Variants in ELP4 observed in about 807,000 individuals in gnomAD.
The protein encoded by ELP4 is elongator complex protein 4.
In ELP4, 51 loss-of-function variants were observed where a neutral mutation model predicts 48.9. The observed-to-expected ratio is 1.04, with a 90% CI of 0.83 to 1.32. The LOEUF (loss-of-function observed/expected upper bound fraction) is 1.32, where lower values mean the gene tolerates loss of function less well. Ranked by LOEUF, ELP4 falls within the 40% of genes most tolerant of loss-of-function variation. The pLI is 0.00. For synonymous variants in ELP4, 210 were observed against 189.2 expected, an observed-to-expected ratio of 1.11 and a Z score of -0.90; for missense variants, 519 against 514.6, an observed-to-expected ratio of 1.01 and a Z score of -0.08.
chr11:31,591,658 G>A (rs879851120), intron 3 of ELP4, among the ~76,000 whole-genome samples: 6 of 152,066 alleles, frequency 3.9e-5, no homozygotes, highest in African/African-American at 4.8e-5. Flanking sequence ...ATTGTTGGTC[G>A]GAATGTAAAA....
At chr11:31,550,283 G>C (rs775396130) in intron 3 of ELP4, among the ~76,000 whole-genome samples, 32 of 151,988 alleles carry the variant, frequency 2.1e-4, no homozygotes, top group Non-Finnish European at 3.8e-4. Context: ...GTCATTAATG[G>C]TGAGAAAGAG....
At chr11:31,526,431 G>T (rs773963408) in intron 2 of ELP4, among the ~76,000 whole-genome samples, 1 of 151,888 alleles carries the variant, frequency 6.6e-6, no homozygotes, top group Non-Finnish European at 1.5e-5. Context: ...TATAAATCTA[G>T]TCACCTCTTT....
At chr11:31,735,156 T>C (rs1202385035) in intron 9 of ELP4, among the ~76,000 whole-genome samples, 3 of 125,582 alleles carry the variant, frequency 2.4e-5, no homozygotes, top group Non-Finnish European at 4.9e-5. Context: ...GGATATCCAT[T>C]GGCAAAAAAA....
chr11:31,704,501 G>A (rs891330896), intron 9 of ELP4, among the ~76,000 whole-genome samples: 1 of 152,038 alleles, frequency 6.6e-6, no homozygotes, highest in Admixed American at 6.6e-5. Context: ...GTGGGAGGAG[G>A]GGGGAGGGAA....
At chr11:31,697,895 GA>G (rs1474634544) in intron 9 of ELP4, among the ~76,000 whole-genome samples, 1 of 151,584 alleles carries the variant, frequency 6.6e-6, no homozygotes, top group African/African-American at 2.4e-5. Flanking sequence ...AGTTGAGAAA[GA>G]AAAAGTTAAA....
rs926831125 is a variant in ELP4, at chr11:31,764,803, A to T, written c.1144-18590A>T. ...TGAATCAAGAGAAAAATGAAATACT[A>T]AAACTCCCCACAGGTGTCGGTTTTA... On this transcript the variant is annotated intron_variant, in intron 9 of 9. Transcript: ENST00000640961. 1.4e-4 allele frequency among the ~76,000 whole-genome samples: 21 copies of T among 152,346 alleles called. No homozygotes were observed. In the East Asian group the frequency reaches 3.9e-3, roughly 28 times the overall value.
At position 31,641,971 on chromosome 11, in the gene ELP4, G is replaced by A. The variant is rs559572749; in HGVS notation, c.928-5770G>A. 6.6e-5 allele frequency among the ~76,000 whole-genome samples: 10 copies of A among 151,886 alleles called. No homozygotes were observed. In the South Asian group the frequency reaches 1.5e-3, roughly 22 times the overall value. ...GCATTTTAGGGTTTCAAGTATCAAA[G>A]TACTAAAAAAAGATTTCTGATTTAG... On this transcript the variant is annotated intron_variant, in intron 7 of 9. Transcript: ENST00000640961.
intron 2 of ELP4, among the ~76,000 whole-genome samples, chr11:31,537,202 G>A (rs998600903): frequency 2.0e-5 from 3 of 152,168 alleles, no homozygotes; most frequent in African/African-American, 7.2e-5. Context: ...AGTGTACTAT[G>A]AGGCAAGATT....
intron 2 of ELP4, among the ~76,000 whole-genome samples, chr11:31,525,114 G>A (rs573393012): frequency 1.1e-4 from 16 of 152,252 alleles, no homozygotes; most frequent in Non-Finnish European, 2.1e-4. Flanking sequence ...CTTCTTTTGT[G>A]CCACAAGTAC....
At chr11:31,704,965 C>T (rs1032859402) in intron 9 of ELP4, among the ~76,000 whole-genome samples, 5 of 150,566 alleles carry the variant, frequency 3.3e-5, no homozygotes, top group African/African-American at 9.8e-5. Flanking sequence ...GAGCTGAGAT[C>T]GCGCCACTGC....
Position 31,572,047 on chromosome 11 carries a change from G to C in ELP4, c.382-22723G>C, listed in dbSNP as rs1374332838. 2.6e-5 allele frequency among the ~76,000 whole-genome samples: 4 copies of C among 152,276 alleles called. No homozygotes were observed. The East Asian group carries it at 5.8e-4, about 22-fold the overall frequency. ...GAGTCAGCCTGTCGTTTGAAGCTTTGGAGCTAGGCATTGACTTCTCTCTAG... is the reference window on the plus strand; with the variant it reads ...GAGTCAGCCTGTCGTTTGAAGCTTTCGAGCTAGGCATTGACTTCTCTCTAG... On this transcript the variant is annotated intron_variant, in intron 3 of 9. Coordinates refer to ENST00000640961, the MANE Select transcript of ELP4 (RefSeq NM_019040.5).
intron 9 of ELP4, chr11:31,780,788 T>G (rs1011924039): frequency 6.6e-6 from 1 of 152,242 alleles, no homozygotes; most frequent in Non-Finnish European, 1.5e-5. Context: ...AATTGTATTA[T>G]GCTTGTTCTA....
At chr11:31,548,778 C>G (rs1384902900) in intron 3 of ELP4, among the ~76,000 whole-genome samples, 1 of 152,088 alleles carries the variant, frequency 6.6e-6, no homozygotes, top group Non-Finnish European at 1.5e-5. Flanking sequence ...GTACTGGTAC[C>G]AAAACAGAGA....
chr11:31,532,298 T>C (rs1361104345), intron 2 of ELP4, among the ~76,000 whole-genome samples: 2 of 152,214 alleles, frequency 1.3e-5, no homozygotes, highest in Non-Finnish European at 2.9e-5. Flanking sequence ...ACATGTTTGC[T>C]AAGTACTATG....
At chr11:31,564,732 T>G (rs1368736160) in intron 3 of ELP4, among the ~76,000 whole-genome samples, 3 of 152,224 alleles carry the variant, frequency 2.0e-5, no homozygotes, top group Admixed American at 6.5e-5. Context: ...GGCTGCATAG[T>G]ATTCCTTGTT....
chr11:31,610,408 G>A (rs576042551), intron 5 of ELP4, among the ~76,000 whole-genome samples: 130 of 152,198 alleles, frequency 8.5e-4, no homozygotes, highest in African/African-American at 3.1e-3. Flanking sequence ...TTGCAGGTTT[G>A]ATACAAAAGT....
At chr11:31,612,425 G>A (rs1235585746) in intron 5 of ELP4, among the ~76,000 whole-genome samples, 3 of 152,148 alleles carry the variant, frequency 2.0e-5, no homozygotes, top group African/African-American at 7.2e-5. Flanking sequence ...TGGTTGGAGT[G>A]GTGCCAGTCT....
intron 7 of ELP4, among the ~76,000 whole-genome samples, chr11:31,639,109 C>G (rs1945037100): frequency 6.6e-6 from 1 of 151,780 alleles, no homozygotes. Flanking sequence ...ATCATAGCTA[C>G]AGTTACTAAA....
intron 3 of ELP4, among the ~76,000 whole-genome samples, chr11:31,540,356 A>G (rs1318427608): frequency 6.6e-6 from 1 of 152,250 alleles, no homozygotes; most frequent in Admixed American, 6.5e-5. Flanking sequence ...CAAAAGGGAC[A>G]TCTATATAAT....
Sources: allele counts gnomAD v4.1 joint callset (sites outside exome capture counted in the v4.1 genomes callset), GRCh38; gene constraint gnomAD v4.1.1; transcripts MANE v1.5; gene names NCBI Gene and HGNC (gene_info 2026-07-23, HGNC 2026-07-21).